Variants in PTPRD observed in about 807,000 individuals in gnomAD.
The protein encoded by PTPRD is protein tyrosine phosphatase receptor type D, also known as receptor-type tyrosine-protein phosphatase delta.
PTPRD carries 34 observed loss-of-function variants against 214.5 expected under a neutral mutation model. The ratio of observed to expected loss-of-function variants is 0.16; its 90% confidence interval spans 0.12 to 0.21. The LOEUF is 0.21. Among genes scored for constraint, PTPRD ranks in the 10% least tolerant of loss-of-function variants. The pLI is 1.00. For missense variants in PTPRD, 2,545 were observed against 2,398.7 expected, an observed-to-expected ratio of 1.06 and a Z score of -1.27; for synonymous variants, 1,128 against 845.7, an observed-to-expected ratio of 1.33 and a Z score of -5.79.
At chr9:8,942,196 C>T (rs1405720380) in intron 11 of PTPRD, among the ~76,000 whole-genome samples, 1 of 152,198 alleles carries the variant, frequency 6.6e-6, no homozygotes, top group Non-Finnish European at 1.5e-5. Context: ...TTGCCAGCAA[C>T]TATTTTTTTC....
chr9:8,971,211 A>C (rs940191922), intron 11 of PTPRD, among the ~76,000 whole-genome samples: 1 of 151,892 alleles, frequency 6.6e-6, no homozygotes, highest in Non-Finnish European at 1.5e-5. Flanking sequence ...AAAAACAAGA[A>C]ATACTTTATT....
At chr9:9,962,085 C>T (rs1587469619) in intron 4 of PTPRD, among the ~76,000 whole-genome samples, 1 of 152,018 alleles carries the variant, frequency 6.6e-6, no homozygotes, top group South Asian at 2.1e-4. Flanking sequence ...AGTTGCAGAA[C>T]ATCCTGGGTC....
chr9:10,222,017 G>GA (rs1421319530), intron 3 of PTPRD, among the ~76,000 whole-genome samples: 1 of 150,184 alleles, frequency 6.7e-6, no homozygotes, highest in East Asian at 2.2e-4. Context: ...AGAAAACTGT[G>GA]AGAAAAAAAA....
chr9:9,186,100 T>G (rs1193587361), intron 9 of PTPRD, among the ~76,000 whole-genome samples: 1 of 152,120 alleles, frequency 6.6e-6, no homozygotes, highest in Non-Finnish European at 1.5e-5. Context: ...CCCATTTTAT[T>G]TTCTGGAGAT....
chr9:10,080,427 C>G (rs1364639810), intron 3 of PTPRD, among the ~76,000 whole-genome samples: 1 of 152,054 alleles, frequency 6.6e-6, no homozygotes, highest in East Asian at 1.9e-4. Flanking sequence ...CATTGCTACA[C>G]TGTAATCCAA....
At chr9:9,069,420 A>G (rs1259292997) in intron 10 of PTPRD, among the ~76,000 whole-genome samples, 1 of 152,208 alleles carries the variant, frequency 6.6e-6, no homozygotes, top group Non-Finnish European at 1.5e-5. Context: ...TGGTTTGGGA[A>G]GAGAGAAAAG....
intron 10 of PTPRD, among the ~76,000 whole-genome samples, chr9:9,180,912 G>A (rs969956523): frequency 1.3e-5 from 2 of 152,084 alleles, no homozygotes; most frequent in Admixed American, 1.3e-4. Flanking sequence ...ACTGAAAAGA[G>A]CCAGGTAGAT....
At chr9:8,482,560 G>A (rs1229254026) in intron 30 of PTPRD, among the ~76,000 whole-genome samples, 1 of 151,898 alleles carries the variant, frequency 6.6e-6, no homozygotes, top group African/African-American at 2.4e-5. Flanking sequence ...AAATGAGAAA[G>A]GATTTATTCT....
intron 39 of PTPRD, among the ~76,000 whole-genome samples, chr9:8,370,943 A>G (rs1306302778): frequency 6.6e-6 from 1 of 152,072 alleles, no homozygotes; most frequent in East Asian, 1.9e-4. Flanking sequence ...CTTGTAAATT[A>G]CCACGGGAAG....
chr9:8,391,986 G>A (rs572669190), intron 36 of PTPRD, among the ~76,000 whole-genome samples: 44 of 152,240 alleles, frequency 2.9e-4, no homozygotes, highest in African/African-American at 1.1e-3. Context: ...GGAGGGGGTA[G>A]GCTGCTACTG....
chr9:9,264,702 G>A (rs149172441), intron 9 of PTPRD, among the ~76,000 whole-genome samples: 22 of 151,538 alleles, frequency 1.5e-4, no homozygotes, highest in South Asian at 6.2e-4. Flanking sequence ...CTCCAATCAC[G>A]TTCACTGCAA....
Position 9,893,985 on chromosome 9 carries a change from T to C in PTPRD, c.-368+44522A>G, listed in dbSNP as rs887212543. On this transcript the variant is annotated intron_variant, in intron 5 of 45. Transcript: ENST00000381196. ...ACACCACCACACCCTGTGTTTGTTG[T>C]TGGTATTTGGTAGAGAAGGGGTTTC... Among the ~76,000 whole-genome samples the C allele has an allele frequency of 4.6e-5, 7 of 152,180 alleles. No individual in the cohort carries two copies. In the East Asian group the frequency reaches 5.8e-4, roughly 13 times the overall value.
chr9:8,734,166 G>T (rs368143427), intron 11 of PTPRD, among the ~76,000 whole-genome samples: 1 of 152,150 alleles, frequency 6.6e-6, no homozygotes, highest in Admixed American at 6.5e-5. Context: ...TGTTACGTGG[G>T]AGCTCTCGCA....
intron 33 of PTPRD, among the ~76,000 whole-genome samples, chr9:8,455,251 C>T (rs994583011): frequency 6.6e-6 from 1 of 152,162 alleles, no homozygotes; most frequent in African/African-American, 2.4e-5. Context: ...ATCTACAGAG[C>T]ATGGCCCATT....
At chr9:9,738,315 C>G (rs12353171) in intron 6 of PTPRD, among the ~76,000 whole-genome samples, 75,724 of 151,894 alleles carry the variant, frequency 0.5, 22,543 homozygotes, top group African/African-American at 0.83. Context: ...TGTGATGGAT[C>G]TCACTGTAGT....
intron 8 of PTPRD, among the ~76,000 whole-genome samples, chr9:9,520,580 A>C (rs1264376035): frequency 6.6e-6 from 1 of 152,132 alleles, no homozygotes; most frequent in Non-Finnish European, 1.5e-5. Context: ...GCTTCACAAT[A>C]ACTTTCAAAG....
At chr9:8,340,492 A>C (rs745846534) in intron 41 of PTPRD, 23 bp from the exon 42 acceptor site, 7 of 1,547,950 alleles carry the variant, frequency 4.5e-6, no homozygotes, top group Non-Finnish European at 5.3e-6. Flanking sequence ...GAATGAAAAG[A>C]ATGTGTTAAA....
At chr9:8,905,353 T>C (rs2098700198) in intron 11 of PTPRD, among the ~76,000 whole-genome samples, 1 of 152,062 alleles carries the variant, frequency 6.6e-6, no homozygotes, top group Non-Finnish European at 1.5e-5. Context: ...GAAGTGCTAT[T>C]TTCTTTCTGT....
intron 7 of PTPRD, among the ~76,000 whole-genome samples, chr9:9,665,436 T>C (rs1018599929): frequency 1.3e-5 from 2 of 151,812 alleles, no homozygotes; most frequent in African/African-American, 4.8e-5. Context: ...CTCACTGTGA[T>C]AGAATATAGA....
Sources: allele counts gnomAD v4.1 joint callset (sites outside exome capture counted in the v4.1 genomes callset), GRCh38; gene constraint gnomAD v4.1.1; transcripts MANE v1.5; gene names NCBI Gene and HGNC (gene_info 2026-07-23, HGNC 2026-07-21).